Variants in SPDEF observed in about 807,000 individuals in gnomAD.
The protein encoded by SPDEF is SAM pointed domain-containing Ets transcription factor.
In SPDEF, 12 loss-of-function variants were observed where a neutral mutation model predicts 36.0. The observed-to-expected ratio is 0.33, with a 90% CI of 0.21 to 0.54. The LOEUF (loss-of-function observed/expected upper bound fraction) is 0.54, where lower values mean the gene tolerates loss of function less well. Among genes scored for constraint, SPDEF ranks in the 20% least tolerant of loss-of-function variants. SPDEF has a pLI of 0.93. For synonymous variants in SPDEF, 205 were observed against 193.0 expected (o/e 1.06, Z -0.51); for missense variants, 388 against 456.9 (o/e 0.85, Z 1.37).
At chr6:34,547,498 T>C (rs922437874) in intron 1 of SPDEF, among the ~76,000 whole-genome samples, 8 of 152,124 alleles carry the variant, frequency 5.3e-5, no homozygotes, top group African/African-American at 1.9e-4. Flanking sequence ...CCCAAGTAGC[T>C]GGGACTACAG....
At position 34,544,920 on chromosome 6, in the gene SPDEF, GC is replaced by G. The variant is rs1767919361; in HGVS notation, c.-29-437del. On this transcript the variant is annotated intron_variant, in intron 1 of 5. Transcript: ENST00000374037. The surrounding 1 kb of genome is among the most constrained non-coding windows in gnomAD (Gnocchi z 4.4). ...ATATAGCAAAGCTTGTTTTTCTTCT[GC>G]CTTTGACAAGGATAGGAGTGGAAGT... 6.6e-6 allele frequency among the ~76,000 whole-genome samples: 1 copy of G among 152,180 alleles called. No homozygotes were observed. Among genetic ancestry groups the G allele is most frequent in the Admixed American group, 6.5e-5 (1 of 15,276 alleles).
intron 1 of SPDEF, among the ~76,000 whole-genome samples, chr6:34,554,315 C>T (rs1048319479): frequency 1.3e-5 from 2 of 152,210 alleles, no homozygotes; most frequent in African/African-American, 2.4e-5. Flanking sequence ...TTTGCACTTC[C>T]TGCCAGCATC....
chr6:34,543,048 C>T lies in SPDEF; in HGVS notation c.436+972G>A, dbSNP rs181665570. 1.9e-3 allele frequency among the ~76,000 whole-genome samples: 285 copies of T among 148,882 alleles called. 1 individual carries two copies. Among genetic ancestry groups the T allele is most frequent in the African/African-American group, 6.7e-3 (271 of 40,522 alleles). On this transcript the variant is annotated intron_variant, in intron 2 of 5. Transcript: ENST00000374037. ...CTCTACTAAAAATACAAAAATTAGC[C>T]GGGTGTGGTGGCGGGCGCCTGTAGT...
At position 34,539,995 on chromosome 6, in the gene SPDEF, C is replaced by A. The variant is rs911469255; in HGVS notation, c.635-433G>T. The stretch of plus-strand genomic sequence containing the variant: ...CAATTTAGACACTCAGGGGCTGACA[C>A]GCAGCCATTAGAAATTTAGGGCAGG... On this transcript the variant is annotated intron_variant, in intron 3 of 5. Transcript: ENST00000374037. This position sits in a 1 kb window ranked among gnomAD's most constrained non-coding sequence, Gnocchi z 5.2. 6.6e-6 allele frequency among the ~76,000 whole-genome samples: 1 copy of A among 152,112 alleles called. No homozygotes were observed. The highest frequency in any genetic ancestry group is 1.5e-5 in the Non-Finnish European group (1 of 68,006).
intron 2 of SPDEF, among the ~76,000 whole-genome samples, chr6:34,543,702 C>T (rs1012163955): frequency 6.6e-6 from 1 of 152,052 alleles, no homozygotes; most frequent in Non-Finnish European, 1.5e-5. Context: ...AGCAAACAGG[C>T]CAGTGTGGCG....
chr6:34,547,002 G>A (rs909511008), intron 1 of SPDEF, among the ~76,000 whole-genome samples: 2 of 31,978 alleles, frequency 6.3e-5, no homozygotes, highest in Admixed American at 5.4e-4. Flanking sequence ...ACCCCCCCCC[G>A]CAGCCCCCCA....
At position 34,539,228 on chromosome 6, in the gene SPDEF, G is replaced by T. The variant is rs759607234; in HGVS notation, c.829+22C>A. The T allele has an allele frequency of 1.2e-6, 2 of 1,612,454 alleles. No homozygotes were observed. Among genetic ancestry groups the T allele is most frequent in the African/African-American group, 1.3e-5 (1 of 75,046 alleles). ...CCTCCATGCTCACTGGCCCTGCAGC[G>T]CCCCTTGGGCACCCTGCTCACCCTT... On this transcript the variant is annotated intron_variant, in intron 5 of 5. Coordinates refer to ENST00000374037, the MANE Select transcript of SPDEF (RefSeq NM_012391.3). This position sits in a 1 kb window ranked among gnomAD's most constrained non-coding sequence, Gnocchi z 5.2.
chr6:34,545,616 T>A (rs184834231), intron 1 of SPDEF, among the ~76,000 whole-genome samples: 132 of 152,302 alleles, frequency 8.7e-4, no homozygotes, highest in African/African-American at 2.8e-3. Flanking sequence ...GACTTAAGAA[T>A]ACATCAAGAC....
chr6:34,540,631 AAAAACAAAG>A (rs1157570199), intron 3 of SPDEF, among the ~76,000 whole-genome samples: 2 of 152,152 alleles, frequency 1.3e-5, no homozygotes, highest in African/African-American at 2.4e-5. Context: ...TTTAATAAAA[AAAAACAAAG>A]AAAACAAAGA....
Position 34,539,259 on chromosome 6 carries a change from T to C in SPDEF, c.820A>G (p.Lys274Glu), listed in dbSNP as rs1347099033. The change falls in exon 5 of 6, where the codon AAG becomes GAG. Residue 274 changes from lysine (K) to glutamate (E), a missense_variant. Transcript: ENST00000374037. This position sits in a 1 kb window ranked among gnomAD's most constrained non-coding sequence, Gnocchi z 5.2. ...TGGGCACCCTGCTCACCCTTCTCCT[T>C]GTTGAGCCACCTAATGAAGCGGCCA... ...SYGRFIRWLN[K>E]EKGIFKIEDS... The C allele has an allele frequency of 1.9e-6, 3 of 1,613,658 alleles. No individual in the cohort carries two copies. Among genetic ancestry groups the C allele is most frequent in the Admixed American group, 1.7e-5 (1 of 59,998 alleles).
chr6:34,550,765 G>A (rs1437848928), intron 1 of SPDEF, among the ~76,000 whole-genome samples: 2 of 152,102 alleles, frequency 1.3e-5, no homozygotes, highest in Non-Finnish European at 2.9e-5. Flanking sequence ...CGGGAGGCAG[G>A]TGGAAGCTGG....
At chr6:34,550,301 G>C (rs1768032193) in intron 1 of SPDEF, among the ~76,000 whole-genome samples, 1 of 152,172 alleles carries the variant, frequency 6.6e-6, no homozygotes, top group South Asian at 2.1e-4. Flanking sequence ...CTGGACCCAA[G>C]AGAAGTGCCA....
In SPDEF at chr6:34,544,285, G is replaced by T. The variant is rs886064348; in HGVS notation, c.171C>A (p.Ala57=). 4 of 1,613,324 alleles carry T rather than the reference G, an allele frequency of 2.5e-6. No homozygotes were observed. Among genetic ancestry groups the T allele is most frequent in the Non-Finnish European group, 3.4e-6 (4 of 1,179,932 alleles). ...GCATGTCAAAGTAGGAGAGGTAGAA[G>T]GCGGACAGGCCCTGCTCGGGCGTGG... The part of the protein sequence containing the change: ...PPATPEQGLS[A]FYLSYFDMLY... Residue 57 remains alanine, a synonymous_variant, in exon 2 of 6, where the codon GCC becomes GCA. Transcript: ENST00000374037. This position sits in a 1 kb window ranked among gnomAD's most constrained non-coding sequence, Gnocchi z 4.4.
chr6:34,554,401 A>G lies in SPDEF; in HGVS notation c.-30+1528T>C, dbSNP rs572256637. Among the ~76,000 whole-genome samples, 8 of 151,960 alleles carry G rather than the reference A, an allele frequency of 5.3e-5. No homozygotes were observed. The East Asian group carries it at 1.5e-3, about 29-fold the overall frequency. ...CAGACTTGGTTGACAGAGAAGCCCTATCGAATTCAGAGGGTCCTTGTGAAA... is the reference window on the plus strand; with the variant it reads ...CAGACTTGGTTGACAGAGAAGCCCTGTCGAATTCAGAGGGTCCTTGTGAAA... On this transcript the variant is annotated intron_variant, in intron 1 of 5. Coordinates refer to ENST00000374037, the MANE Select transcript of SPDEF (RefSeq NM_012391.3).
At chr6:34,543,800 G>C (rs1767880148) in intron 2 of SPDEF, among the ~76,000 whole-genome samples, 1 of 152,182 alleles carries the variant, frequency 6.6e-6, no homozygotes, top group African/African-American at 2.4e-5. Context: ...CCTACCAGTG[G>C]GGACCCTAGG....
In SPDEF at chr6:34,539,269, C is replaced by T. The variant is rs375773264; in HGVS notation, c.810G>A (p.Arg270=). 4.8e-5 allele frequency: 77 copies of T among 1,613,794 alleles called. No homozygotes were observed. The highest frequency in any genetic ancestry group is 6.4e-5 in the Non-Finnish European group (76 of 1,180,056). The stretch of plus-strand genomic sequence containing the variant: ...GCTCACCCTTCTCCTTGTTGAGCCA[C>T]CTAATGAAGCGGCCATAGCTGTGGG... ...LKPHSYGRFI[R]WLNKEKGIFK... is the part of the protein sequence containing the mutation. Residue 270 remains arginine, a synonymous_variant, in exon 5 of 6, where the codon AGG becomes AGA. Transcript: ENST00000374037. This position sits in a 1 kb window ranked among gnomAD's most constrained non-coding sequence, Gnocchi z 5.2.
chr6:34,539,486 C>G lies in SPDEF; in HGVS notation c.682+29G>C, dbSNP rs757514343. ...CACCCCTCCACCCCACCCGAGCCCCCGCCTCCACCCTGCCGCTGCCTGGCT... is the reference window on the plus strand; with the variant it reads ...CACCCCTCCACCCCACCCGAGCCCCGGCCTCCACCCTGCCGCTGCCTGGCT... On this transcript the variant is annotated intron_variant, in intron 4 of 5. Transcript: ENST00000374037. The surrounding 1 kb of genome is among the most constrained non-coding windows in gnomAD (Gnocchi z 5.2). 6.3e-7 allele frequency: 1 copy of G among 1,584,862 alleles called. No homozygotes were observed. The highest frequency in any genetic ancestry group is 8.6e-7 in the Non-Finnish European group (1 of 1,167,624).
At chr6:34,542,355 C>T (rs888969217) in intron 2 of SPDEF, among the ~76,000 whole-genome samples, 4 of 152,324 alleles carry the variant, frequency 2.6e-5, no homozygotes, top group Admixed American at 6.5e-5. Flanking sequence ...TCAGCAGCCC[C>T]GCCACCCACA....
intron 1 of SPDEF, among the ~76,000 whole-genome samples, chr6:34,545,490 C>T (rs539793476): frequency 6.6e-6 from 1 of 152,386 alleles, no homozygotes; most frequent in Non-Finnish European, 1.5e-5. Flanking sequence ...TTGCCCAGGC[C>T]CTTTTCCCTG....
Sources: gnomAD v4.1 joint callset for allele counts (sites outside exome capture counted in the v4.1 genomes callset) on GRCh38, gnomAD v4.1.1 for gene constraint, Gnocchi (gnomAD v3.1) non-coding constraint, MANE v1.5 for transcripts, NCBI Gene and HGNC (gene_info 2026-07-23, HGNC 2026-07-21) for gene names.